LINGO2: variants seen among roughly 807,000 people sequenced by gnomAD.
LINGO2 encodes leucine rich repeat and Ig domain containing 2, also known as leucine-rich repeat and immunoglobulin-like domain-containing nogo receptor-interacting protein 2.
In LINGO2, 14 loss-of-function variants were observed where a neutral mutation model predicts 30.6. That is an observed-to-expected ratio of 0.46 (90% CI 0.30 to 0.72). LINGO2 has a LOEUF of 0.72. Ranked by LOEUF, LINGO2 falls within the 30% of genes least tolerant of loss-of-function variation. The pLI, the probability that LINGO2 is intolerant of heterozygous loss-of-function variation, is 0.07. For missense variants in LINGO2, 729 were observed against 751.7 expected, an observed-to-expected ratio of 0.97 and a Z score of 0.35; for synonymous variants, 317 against 288.5, an observed-to-expected ratio of 1.10 and a Z score of -1.00.
chr9:28,645,912 C>T lies in LINGO2; in HGVS notation c.-365+24288G>A, dbSNP rs535562543. On this transcript the variant is annotated intron_variant, in intron 1 of 5. Transcript: ENST00000379992. ...GTACCGTGCTTTAGAGCTAAACAGACATGAGTTGAATACCAGGTCTCTTAC... is the reference window on the plus strand; with the variant it reads ...GTACCGTGCTTTAGAGCTAAACAGATATGAGTTGAATACCAGGTCTCTTAC... 7.2e-5 allele frequency among the ~76,000 whole-genome samples: 11 copies of T among 152,220 alleles called. No homozygotes were observed. The East Asian group carries it at 1.3e-3, about 19-fold the overall frequency.
chr9:28,477,221 G>T (rs1396036910), intron 1 of LINGO2, among the ~76,000 whole-genome samples: 1 of 151,772 alleles, frequency 6.6e-6, no homozygotes, highest in Non-Finnish European at 1.5e-5. Context: ...CAATGATAAT[G>T]GCAATAATTA....
the LINGO2 span, among the ~76,000 whole-genome samples, chr9:28,852,979 C>G: frequency 6.6e-6 from 1 of 152,000 alleles, no homozygotes; most frequent in Non-Finnish European, 1.5e-5. Flanking sequence ...AAATTATTGT[C>G]TACATTTCTC....
At chr9:28,024,119 A>G (rs1047716914) in intron 4 of LINGO2, among the ~76,000 whole-genome samples, 5 of 152,190 alleles carry the variant, frequency 3.3e-5, no homozygotes, top group African/African-American at 1.2e-4. Flanking sequence ...ACCACTTCCA[A>G]GCTCTTTACC....
rs144598864 is a variant in LINGO2, at chr9:28,148,201, C to T, written c.-86-135796G>A. The T allele has an allele frequency of 2.5e-3, 1,831 of 746,406 alleles. 31 individuals are homozygous for T. Among genetic ancestry groups the T allele is most frequent in the African/African-American group, 0.025 (1,372 of 55,994 alleles). The allele number at this position is 746,406 out of a possible 1,614,324, so 46.2% of individuals were successfully genotyped here. Reference sequence around the variant, plus strand: ...GGCCTTCTTTTCCAGTCAGTTGGGACGGCGCCCCTATGAGGCTGTGTCTTA... The same window carrying T: ...GGCCTTCTTTTCCAGTCAGTTGGGATGGCGCCCCTATGAGGCTGTGTCTTA... On this transcript the variant is annotated intron_variant, in intron 4 of 5. Transcript: ENST00000379992. This position sits in a 1 kb window ranked among gnomAD's most constrained non-coding sequence, Gnocchi z 5.1.
intron 1 of LINGO2, among the ~76,000 whole-genome samples, chr9:28,532,429 T>C (rs973449655): frequency 6.6e-6 from 1 of 152,154 alleles, no homozygotes; most frequent in Non-Finnish European, 1.5e-5. Flanking sequence ...AGATTTTTCT[T>C]TCTAAACCGA....
At chr9:28,318,823 C>T (rs963145358) in intron 3 of LINGO2, among the ~76,000 whole-genome samples, 4 of 152,098 alleles carry the variant, frequency 2.6e-5, no homozygotes, top group Non-Finnish European at 2.9e-5. Context: ...TTCTTGGGTG[C>T]TTTCTCTAGG....
At chr9:28,962,625 T>C in the LINGO2 span, among the ~76,000 whole-genome samples, 5 of 151,936 alleles carry the variant, frequency 3.3e-5, no homozygotes, top group Non-Finnish European at 7.4e-5. Flanking sequence ...CTGTATTAAC[T>C]GTAAAAGTTA....
the LINGO2 span, among the ~76,000 whole-genome samples, chr9:29,105,449 T>C: frequency 2.6e-5 from 4 of 152,178 alleles, no homozygotes; most frequent in African/African-American, 9.6e-5. Flanking sequence ...ATGTGGCTCA[T>C]TGACAAATTC....
At chr9:29,119,057 G>A in the LINGO2 span, among the ~76,000 whole-genome samples, 1 of 152,138 alleles carries the variant, frequency 6.6e-6, no homozygotes, top group Non-Finnish European at 1.5e-5. Context: ...AGTCCTGGCT[G>A]AGGACCCTGA....
chr9:28,248,443 A>G (rs1323349858), intron 4 of LINGO2, among the ~76,000 whole-genome samples: 1 of 152,194 alleles, frequency 6.6e-6, no homozygotes, highest in Non-Finnish European at 1.5e-5. Flanking sequence ...AGAGAGAAAC[A>G]GTGGTCACCA....
chr9:28,680,271 A>C, the LINGO2 span, among the ~76,000 whole-genome samples: 10 of 152,096 alleles, frequency 6.6e-5, no homozygotes, highest in Admixed American at 3.9e-4. Context: ...CAGGCTCATC[A>C]ATGCTGTTGC....
the LINGO2 span, among the ~76,000 whole-genome samples, chr9:28,777,414 TC>T: frequency 2.0e-5 from 3 of 152,164 alleles, no homozygotes; most frequent in African/African-American, 7.2e-5. Context: ...GCACTAAAAT[TC>T]CCATTCTGTT....
At chr9:28,211,009 C>T (rs1271857531) in intron 4 of LINGO2, among the ~76,000 whole-genome samples, 1 of 151,402 alleles carries the variant, frequency 6.6e-6, no homozygotes, top group Non-Finnish European at 1.5e-5. Context: ...CAAGCATTTG[C>T]CTGTACTTTT....
At chr9:29,025,268 T>A in the LINGO2 span, among the ~76,000 whole-genome samples, 1 of 152,116 alleles carries the variant, frequency 6.6e-6, no homozygotes, top group African/African-American at 2.4e-5. Flanking sequence ...CACATCTAGG[T>A]CAGTGCATGT....
the LINGO2 span, among the ~76,000 whole-genome samples, chr9:28,901,564 T>C: frequency 2.0e-5 from 3 of 151,692 alleles, no homozygotes; most frequent in African/African-American, 7.3e-5. Flanking sequence ...AAACATAAAA[T>C]GTATGCATAG....
chr9:28,731,934 T>C, the LINGO2 span, among the ~76,000 whole-genome samples: 1 of 152,162 alleles, frequency 6.6e-6, no homozygotes, highest in Non-Finnish European at 1.5e-5. Context: ...CAGATCATTC[T>C]AGAACTTAGA....
chr9:28,605,741 C>G (rs1825669877), intron 1 of LINGO2, among the ~76,000 whole-genome samples: 1 of 152,004 alleles, frequency 6.6e-6, no homozygotes, highest in Non-Finnish European at 1.5e-5. Flanking sequence ...CAAACTGCAG[C>G]TTGTGGCCAA....
chr9:28,002,517 A>AT (rs1193043172), intron 5 of LINGO2, among the ~76,000 whole-genome samples: 1 of 152,106 alleles, frequency 6.6e-6, no homozygotes. Context: ...ATCTGTTTAT[A>AT]TTCTTATATA....
At chr9:28,120,567 A>G (rs1827065855) in intron 4 of LINGO2, among the ~76,000 whole-genome samples, 1 of 152,210 alleles carries the variant, frequency 6.6e-6, no homozygotes, top group African/African-American at 2.4e-5. Flanking sequence ...TAGTAGGTCT[A>G]CAAATACCCG....
Sources: gnomAD v4.1 joint callset for allele counts (sites outside exome capture counted in the v4.1 genomes callset) on GRCh38, gnomAD v4.1.1 for gene constraint, Gnocchi (gnomAD v3.1) non-coding constraint, MANE v1.5 for transcripts, NCBI Gene and HGNC (gene_info 2026-07-23, HGNC 2026-07-21) for gene names.